The following ZNF469 variants were observed in gnomAD, a reference collection of about 807,000 sequenced individuals.
ZNF469 encodes the protein zinc finger protein 469.
Under a neutral mutation model 1.0 loss-of-function variants are expected in ZNF469, and 1 was observed. The observed-to-expected ratio is 1.00, with a 90% CI of 0.35 to 4.73. ZNF469 has a LOEUF of 4.73. Ranked by LOEUF, ZNF469 falls within the 30% of genes most tolerant of loss-of-function variation. The probability of loss-of-function intolerance (pLI) is 0.16; values close to 1 mark genes in which losing one functional copy is unlikely to be tolerated. For synonymous variants in ZNF469, 2,703 were observed against 2,363.4 expected (o/e 1.14, Z -4.17); for missense variants, 6,100 against 5,356.3 (o/e 1.14, Z -4.33).
the ZNF469 span, among the ~76,000 whole-genome samples, chr16:88,150,782 G>C: frequency 2.6e-5 from 4 of 151,882 alleles, no homozygotes; most frequent in South Asian, 6.2e-4. Context: ...CTAATTTTGA[G>C]GAAGCAGCCT....
intron 1 of ZNF469, among the ~76,000 whole-genome samples, chr16:88,403,632 C>T (rs548980691): frequency 2.5e-4 from 38 of 152,344 alleles, no homozygotes; most frequent in African/African-American, 8.4e-4. Flanking sequence ...GGGAGCAGGG[C>T]CTCCTGCCCT....
At chr16:88,316,545 C>CTTTTTTTTTTTTTTTT in the ZNF469 span, among the ~76,000 whole-genome samples, 4 of 100,990 alleles carry the variant, frequency 4.0e-5, no homozygotes, top group African/African-American at 1.3e-4. Context: ...TAGGTGCTGT[C>CTTTTTTTTTTTTTTTT]TTTTTTTTTT....
In ZNF469 at chr16:88,429,682, C is replaced by T. The variant is rs1905991288; in HGVS notation, c.2212C>T (p.Arg738Cys). The change falls in exon 3 of 3, where the codon CGC becomes TGC. Residue 738 changes from arginine (R) to cysteine (C), a missense_variant. By Grantham distance (180) the Arg-to-Cys change is radical. Coordinates refer to ENST00000565624, the MANE Select transcript of ZNF469 (RefSeq NM_001367624.2). The stretch of plus-strand genomic sequence containing the variant: ...GCTGCTGACCTGCAGGCAGTGTGAC[C>T]GCAACTACAGCAGCCTGGCGGCCTT... ...DVLLTCRQCD[R>C]NYSSLAAFLA... is the part of the protein sequence containing the mutation. 2 of 1,542,256 alleles carry T rather than the reference C, an allele frequency of 1.3e-6. No homozygotes were observed. The highest frequency in any genetic ancestry group is 1.2e-5 in the South Asian group (1 of 83,450).
the ZNF469 span, among the ~76,000 whole-genome samples, chr16:88,215,475 C>T: frequency 7.5e-5 from 11 of 147,402 alleles, no homozygotes; most frequent in East Asian, 2.0e-4. Context: ...TTGCAACCTC[C>T]GCCTCCAGGG....
chr16:88,130,706 C>CAAAAA, the ZNF469 span, among the ~76,000 whole-genome samples: 1 of 103,458 alleles, frequency 9.7e-6, no homozygotes, highest in Non-Finnish European at 2.1e-5. Flanking sequence ...AACTCTGTGT[C>CAAAAA]AAAAAAAAAA....
In ZNF469 at chr16:88,436,948, C is replaced by CG; in HGVS notation, c.9483dup (p.His3162AlafsTer35). The CG allele has an allele frequency of 6.7e-7, 1 of 1,494,108 alleles. No homozygotes were observed. The highest frequency in any genetic ancestry group is 8.9e-7 in the Non-Finnish European group (1 of 1,123,190). The allele number at this position is 1,494,108 out of a possible 1,614,324, so 92.6% of individuals were successfully genotyped here. ...CAGGTTTGGCTCGCGGGAGCTGCTG[C>CG]GGGGGCACCTGCAGGAGAGGCACGC... is the stretch of plus-strand genomic sequence containing the variant. On this transcript the variant is annotated frameshift_variant, in exon 3 of 3. Coordinates refer to ENST00000565624, the MANE Select transcript of ZNF469 (RefSeq NM_001367624.2). LOFTEE classifies it low-confidence loss of function (END_TRUNC).
the ZNF469 span, among the ~76,000 whole-genome samples, chr16:88,331,725 T>C: frequency 2.8e-5 from 4 of 141,670 alleles, no homozygotes; most frequent in African/African-American, 7.9e-5. Flanking sequence ...ATCGTCACCA[T>C]CACCATCACC....
the ZNF469 span, among the ~76,000 whole-genome samples, chr16:88,347,064 G>C: frequency 1.1e-4 from 17 of 152,260 alleles, no homozygotes; most frequent in African/African-American, 3.9e-4. Flanking sequence ...ATGTGGTAAT[G>C]TGTGAACAGG....
intron 1 of ZNF469, among the ~76,000 whole-genome samples, chr16:88,397,812 T>C (rs7185018): frequency 0.26 from 39,182 of 152,136 alleles, 5,660 homozygotes; most frequent in African/African-American, 0.39. Context: ...CCTCCCTGGA[T>C]GGCCTCTGAC....
Position 88,433,542 on chromosome 16 carries a change from A to T in ZNF469, c.6072A>T (p.Thr2024=). 1 of 1,550,176 alleles carries T rather than the reference A, an allele frequency of 6.5e-7. No individual in the cohort carries two copies. Among genetic ancestry groups the T allele is most frequent in the Non-Finnish European group, 8.7e-7 (1 of 1,146,874 alleles). ...NHASVNASPK[T]ALTGPTEGAV... ...CCTCAGTCAATGCCAGTCCCAAAAC[A>T]GCGCTGACCGGCCCCACCGAGGGTG... The change falls in exon 3 of 3, where the codon ACA becomes ACT. Residue 2024 remains threonine (T), a synonymous_variant. Coordinates refer to ENST00000565624, the MANE Select transcript of ZNF469 (RefSeq NM_001367624.2).
the ZNF469 span, among the ~76,000 whole-genome samples, chr16:88,171,064 T>G: frequency 6.6e-6 from 1 of 152,134 alleles, no homozygotes; most frequent in Admixed American, 6.5e-5. Context: ...AAATATACAT[T>G]TATCTAAATT....
At chr16:88,233,622 G>A in the ZNF469 span, among the ~76,000 whole-genome samples, 3 of 152,206 alleles carry the variant, frequency 2.0e-5, no homozygotes, top group Admixed American at 6.5e-5. Context: ...GCTTAGGGCC[G>A]CCTGGGCATG....
At chr16:88,239,715 ATTTTTTTTTTTTTTT>A in the ZNF469 span, among the ~76,000 whole-genome samples, 63 of 6,772 alleles carry the variant, frequency 9.3e-3, 1 homozygote, top group African/African-American at 0.011. Flanking sequence ...ATATATATAT[ATTTTTTTTTTTTTTT>A]TTTTTTTTTT....
chr16:88,388,269 G>A (rs1472545741), intron 1 of ZNF469, among the ~76,000 whole-genome samples: 1 of 152,256 alleles, frequency 6.6e-6, no homozygotes, highest in Non-Finnish European at 1.5e-5. Context: ...CCAGAGGCAG[G>A]ATGGGGGACA....
chr16:88,277,593 A>G, the ZNF469 span, among the ~76,000 whole-genome samples: 4,335 of 21,352 alleles, frequency 0.2, 899 homozygotes, highest in African/African-American at 0.49. Flanking sequence ...TTAGTGCTGC[A>G]CCACGCTGAT....
At chr16:88,295,708 T>C in the ZNF469 span, among the ~76,000 whole-genome samples, 1 of 152,176 alleles carries the variant, frequency 6.6e-6, no homozygotes, top group Non-Finnish European at 1.5e-5. Context: ...CGGGAGATGC[T>C]GGGCAGGACC....
At chr16:88,207,805 GA>G in the ZNF469 span, among the ~76,000 whole-genome samples, 1 of 149,260 alleles carries the variant, frequency 6.7e-6, no homozygotes, top group Non-Finnish European at 1.5e-5. Flanking sequence ...CTCTTATAAG[GA>G]TGCACCTGAT....
At chr16:88,236,253 A>G in the ZNF469 span, among the ~76,000 whole-genome samples, 1 of 152,246 alleles carries the variant, frequency 6.6e-6, no homozygotes, top group African/African-American at 2.4e-5. Flanking sequence ...TTTCCCCACA[A>G]GAGACAGCTT....
the ZNF469 span, among the ~76,000 whole-genome samples, chr16:88,187,145 C>T: frequency 6.6e-6 from 1 of 152,146 alleles, no homozygotes; most frequent in East Asian, 1.9e-4. Context: ...GTGGAGACCC[C>T]CAGGGTCCAG....
Sources: gnomAD v4.1 joint callset for allele counts (sites outside exome capture counted in the v4.1 genomes callset) on GRCh38, gnomAD v4.1.1 for gene constraint, MANE v1.5 for transcripts, NCBI Gene and HGNC (gene_info 2026-07-23, HGNC 2026-07-21) for gene names.